DUSP8: variants seen among roughly 807,000 people sequenced by gnomAD.
The protein encoded by DUSP8 is dual specificity protein phosphatase 8.
DUSP8 carries 15 observed loss-of-function variants against 38.7 expected under a neutral mutation model. The ratio of observed to expected loss-of-function variants is 0.39; its 90% CI spans 0.26 to 0.60. The LOEUF (loss-of-function observed/expected upper bound fraction) is 0.60, where lower values mean the gene tolerates loss of function less well. Ranked by LOEUF, DUSP8 falls within the 20% of genes least tolerant of loss-of-function variation. The pLI is 0.56. For synonymous variants in DUSP8, 458 were observed against 433.9 expected, an observed-to-expected ratio of 1.06 and a Z score of -0.69; for missense variants, 768 against 915.0, an observed-to-expected ratio of 0.84 and a Z score of 2.07.
chr11:1,557,468 G>C lies in DUSP8; in HGVS notation c.928C>G (p.Pro310Ala). The C allele has an allele frequency of 6.4e-7, 1 of 1,564,626 alleles. No homozygotes were observed. The highest frequency in any genetic ancestry group is 1.2e-5 in the South Asian group (1 of 85,942). ...TCCGGCGTCCCTGAGGGGGTGCCCGGGTCGCCCTGCAGGGCGGCCAGCAGC... is the reference window on the plus strand; with the variant it reads ...TCCGGCGTCCCTGAGGGGGTGCCCGCGTCGCCCTGCAGGGCGGCCAGCAGC... Reference protein sequence around the residue: ...LKLLAALQGDPGTPSGTPEPP... With the variant: ...LKLLAALQGDAGTPSGTPEPP... The change falls in exon 7 of 7, where the codon CCG (proline) becomes GCG (alanine). Residue 310 changes from proline (P) to alanine (A), a missense_variant. By Grantham distance (27) the Pro-to-Ala change is conservative. Around this residue, in one of 3 missense-constraint regions of DUSP8, gnomAD observed 474 missense variants for 430.8 expected, o/e 1.10. Transcript: ENST00000397374. This position sits in a 1 kb window ranked among gnomAD's most constrained non-coding sequence, Gnocchi z 9.9.
chr11:1,562,086 C>A (rs1188801031), intron 3 of DUSP8, among the ~76,000 whole-genome samples: 3 of 152,202 alleles, frequency 2.0e-5, no homozygotes, highest in Non-Finnish European at 4.4e-5. Context: ...GGAGTGCCCT[C>A]CTGGCAAATC....
At chr11:1,564,022 C>T (rs958987369) in intron 2 of DUSP8, 33 bp from the exon 3 acceptor site, 12 of 1,416,624 alleles carry the variant, frequency 8.5e-6, no homozygotes, top group Non-Finnish European at 1.0e-5. Flanking sequence ...CAGCATGCCG[C>T]CTCCACCTAT....
At chr11:1,563,737 G>A (rs985179760) in intron 3 of DUSP8, 114 bp downstream of exon 3, 4 of 1,156,496 alleles carry the variant, frequency 3.5e-6, no homozygotes, top group Non-Finnish European at 4.7e-6. Flanking sequence ...AAGAACCACA[G>A]ATGTATGGAG....
intron 1 of DUSP8, among the ~76,000 whole-genome samples, chr11:1,566,517 C>CG (rs1564936761): frequency 6.6e-6 from 1 of 152,142 alleles, no homozygotes; most frequent in Non-Finnish European, 1.5e-5. Context: ...AGTGGGCTCC[C>CG]GGGGGCAGCC....
At chr11:1,568,207 G>A in intron 1 of DUSP8, among the ~76,000 whole-genome samples, 1 of 152,208 alleles carries the variant, frequency 6.6e-6, no homozygotes, top group East Asian at 1.9e-4. Flanking sequence ...CAGGGAGGAG[G>A]GCAGGTGTGA....
At chr11:1,570,185 G>A (rs1037524530) in intron 1 of DUSP8, among the ~76,000 whole-genome samples, 1 of 152,178 alleles carries the variant, frequency 6.6e-6, no homozygotes, top group African/African-American at 2.4e-5. Flanking sequence ...CGTGACAGTC[G>A]AGTCTCAGAG....
At chr11:1,567,542 T>C (rs1848822577) in intron 1 of DUSP8, among the ~76,000 whole-genome samples, 1 of 152,200 alleles carries the variant, frequency 6.6e-6, no homozygotes, top group African/African-American at 2.4e-5. Flanking sequence ...GCACTCACTC[T>C]CCTTCTCCAG....
chr11:1,562,989 G>C (rs899329538), intron 3 of DUSP8, among the ~76,000 whole-genome samples: 6 of 152,138 alleles, frequency 3.9e-5, no homozygotes, highest in African/African-American at 1.4e-4. Flanking sequence ...CCCCACAGTC[G>C]CCCTCAGGCT....
At chr11:1,567,866 G>C (rs542247056) in intron 1 of DUSP8, among the ~76,000 whole-genome samples, 39 of 152,338 alleles carry the variant, frequency 2.6e-4, no homozygotes, top group African/African-American at 9.1e-4. Flanking sequence ...CCTGCCTGCT[G>C]TGGAGGGTCT....
rs1008564863 is a variant in DUSP8 at position 1,572,001 on chromosome 11, C to T, written c.-209G>A. 47 of 145,612 alleles carry T rather than the reference C, an allele frequency of 3.2e-4. No homozygotes were observed. Among genetic ancestry groups the T allele is most frequent in the African/African-American group, 1.1e-3 (46 of 40,708 alleles). 9.0% of individuals were successfully genotyped at this position (145,612 alleles called of 1,614,324 possible). On this transcript the variant is annotated 5_prime_UTR_variant, in exon 1 of 7. Transcript: ENST00000397374. The surrounding 1 kb of genome is among the most constrained non-coding windows in gnomAD (Gnocchi z 4.7). The stretch of plus-strand genomic sequence containing the variant: ...TGGGCCCGGCGGGGGCCCGCGCAGC[C>T]GGGGCAGGGGCCGGGGGAGCGCGCG...
Position 1,558,469 on chromosome 11 carries a change from G to T in DUSP8, c.538-198C>A, listed in dbSNP as rs930294908. 6.6e-6 allele frequency among the ~76,000 whole-genome samples: 1 copy of T among 152,142 alleles called. No individual in the cohort carries two copies. The highest frequency in any genetic ancestry group is 2.4e-5 in the African/African-American group (1 of 41,440). On this transcript the variant is annotated intron_variant, in intron 4 of 6. Transcript: ENST00000397374. This position sits in a 1 kb window ranked among gnomAD's most constrained non-coding sequence, Gnocchi z 6.3. Reference sequence around the variant, plus strand: ...ACCCTGGCACCCTGGGCCCGTGCGGGGGGTGGGGCACGGCTGGCCTCCGAC... The same window carrying T: ...ACCCTGGCACCCTGGGCCCGTGCGGTGGGTGGGGCACGGCTGGCCTCCGAC...
chr11:1,571,170 T>C (rs996959815), intron 1 of DUSP8, among the ~76,000 whole-genome samples: 4 of 152,080 alleles, frequency 2.6e-5, no homozygotes, highest in Admixed American at 2.0e-4. Context: ...CAGGCCAGAC[T>C]ATTAGGTATC....
At chr11:1,563,742 A>G (rs1590805005) in intron 3 of DUSP8, 109 bp downstream of exon 3, 9 of 1,198,340 alleles carry the variant, frequency 7.5e-6, no homozygotes, top group Middle Eastern at 6.0e-4. Flanking sequence ...CCACAGATGT[A>G]TGGAGATCCC....
At chr11:1,568,219 G>C (rs2133449119) in intron 1 of DUSP8, among the ~76,000 whole-genome samples, 1 of 152,294 alleles carries the variant, frequency 6.6e-6, no homozygotes, top group South Asian at 2.1e-4. Context: ...CAGGTGTGAG[G>C]AGAGGCCCTC....
rs771684694 is a variant in DUSP8 at position 1,565,852 on chromosome 11, G to T, written c.-26C>A. On this transcript the variant is annotated 5_prime_UTR_variant, in exon 2 of 7. Transcript: ENST00000397374. ...GGTGGGGCAATGGGTGCTGGGGAGGGTGACCCCTGAAGTGAGGAGGGGCTG... is the reference window on the plus strand; with the variant it reads ...GGTGGGGCAATGGGTGCTGGGGAGGTTGACCCCTGAAGTGAGGAGGGGCTG... 6.3e-6 allele frequency: 10 copies of T among 1,588,808 alleles called. No individual in the cohort carries two copies. Among genetic ancestry groups the T allele is most frequent in the Non-Finnish European group, 8.6e-6 (10 of 1,161,040 alleles).
rs868489100 is a variant in DUSP8 at position 1,555,393 on chromosome 11, G to A, written c.*1125C>T. The A allele has an allele frequency of 1.1e-4, 112 of 986,936 alleles. No homozygotes were observed. The Middle Eastern group carries it at 5.1e-3, about 45-fold the overall frequency. The allele number at this position is 986,936 out of a possible 1,614,324, so 61.1% of individuals were successfully genotyped here. On this transcript the variant is annotated 3_prime_UTR_variant, in exon 7 of 7. Transcript: ENST00000397374. Reference sequence around the variant, plus strand: ...CCAGCAGCACAGGGGCTTGGCTGGCGCCTGAACTCCCTGTGTGAGCAGCAC... The same window carrying A: ...CCAGCAGCACAGGGGCTTGGCTGGCACCTGAACTCCCTGTGTGAGCAGCAC...
chr11:1,556,730 G>A lies in DUSP8; in HGVS notation c.1666C>T (p.Leu556=), dbSNP rs1848630753. Residue 556 remains leucine, a synonymous_variant, in exon 7 of 7, where the codon CTG becomes TTG. Transcript: ENST00000397374. This position sits in a 1 kb window ranked among gnomAD's most constrained non-coding sequence, Gnocchi z 5.2. ...GAPGPGGGSD[L]RRREAARAEP... ...GCCCTCGCTGCCTCCCGCCGCCGCA[G>A]GTCGCTGCCGCCGCCTGGTCCCGGG... The A allele has an allele frequency of 8.1e-7, 1 of 1,229,608 alleles. No homozygotes were observed. The highest frequency in any genetic ancestry group is 1.0e-6 in the Non-Finnish European group (1 of 986,190). 76.2% of individuals were successfully genotyped at this position (1,229,608 alleles called of 1,614,324 possible). A position where few individuals can be genotyped will look rare whatever the true frequency, so the allele number is the denominator to read the frequency against.
At chr11:1,561,924 C>T (rs547657952) in intron 3 of DUSP8, among the ~76,000 whole-genome samples, 1 of 152,342 alleles carries the variant, frequency 6.6e-6, no homozygotes, top group African/African-American at 2.4e-5. Flanking sequence ...GCCCGTGGGC[C>T]TGCCTGGGTG....
At chr11:1,565,016 G>A (rs1421578638) in intron 2 of DUSP8, among the ~76,000 whole-genome samples, 1 of 152,254 alleles carries the variant, frequency 6.6e-6, no homozygotes, top group African/African-American at 2.4e-5. Context: ...ATGGTCCTGG[G>A]CAGAATGAGC....
Sources: gnomAD v4.1 joint callset for allele counts (sites outside exome capture counted in the v4.1 genomes callset) on GRCh38, gnomAD v4.1.1 for gene constraint, gnomAD v4.1.1 regional missense constraint, Gnocchi (gnomAD v3.1) non-coding constraint, MANE v1.5 for transcripts, NCBI Gene and HGNC (gene_info 2026-07-23, HGNC 2026-07-21) for gene names.